Variants in EBF3 observed in about 807,000 individuals in gnomAD.
EBF3 encodes the protein EBF transcription factor 3.
EBF3 carries 18 observed loss-of-function variants against 77.1 expected under a neutral mutation model. That is an observed-to-expected ratio of 0.23 (90% confidence interval 0.16 to 0.35). The LOEUF (loss-of-function observed/expected upper bound fraction) is 0.35. Ranked by LOEUF, EBF3 falls within the 10% of genes least tolerant of loss-of-function variation. The pLI is 1.00. For missense variants in EBF3, 558 were observed against 860.0 expected (o/e 0.65, Z 4.39); for synonymous variants, 350 against 343.5 (o/e 1.02, Z -0.21).
At chr10:129,876,521 C>T (rs989724250) in intron 7 of EBF3, among the ~76,000 whole-genome samples, 2 of 152,216 alleles carry the variant, frequency 1.3e-5, no homozygotes, top group South Asian at 4.1e-4. Flanking sequence ...CCAAAGAGCC[C>T]GCCTCCTCTG....
chr10:129,958,150 G>C (rs1859180166), intron 5 of EBF3, among the ~76,000 whole-genome samples: 3 of 152,194 alleles, frequency 2.0e-5, no homozygotes. Flanking sequence ...GAAAAAGTCA[G>C]CTTTTGTATA....
chr10:129,892,860 C>T (rs1056640102), intron 6 of EBF3, among the ~76,000 whole-genome samples: 8 of 152,222 alleles, frequency 5.3e-5, no homozygotes, highest in African/African-American at 1.9e-4. Context: ...CGCACTTGAA[C>T]GTCGCCATCA....
intron 10 of EBF3, among the ~76,000 whole-genome samples, chr10:129,862,944 C>T (rs1308603965): frequency 1.3e-5 from 2 of 152,182 alleles, no homozygotes; most frequent in Non-Finnish European, 2.9e-5. Flanking sequence ...ATTTTAATTA[C>T]TATTAAACAA....
chr10:129,958,881 G>C (rs1859251702), intron 5 of EBF3, 53 bp downstream of exon 5: 1 of 1,557,540 alleles, frequency 6.4e-7, no homozygotes, highest in East Asian at 2.5e-5. Flanking sequence ...CTTTGTAGAC[G>C]CAGCTGGCGC....
chr10:129,875,106 A>G (rs1852663852), intron 7 of EBF3, among the ~76,000 whole-genome samples: 1 of 151,958 alleles, frequency 6.6e-6, no homozygotes, highest in Non-Finnish European at 1.5e-5. Flanking sequence ...AAACATACAA[A>G]TAAGTAGTAT....
Position 129,906,432 on chromosome 10 carries a change from G to A in EBF3, c.555-28583C>T, listed in dbSNP as rs16909990. On this transcript the variant is annotated intron_variant, in intron 6 of 16. Coordinates refer to ENST00000440978, the MANE Select transcript of EBF3 (RefSeq NM_001375380.1). ...CAGATTCCTCTAACTTTGAATTTCC[G>A]CGCCCTGTACAGGAGCCCTCTTAAC... Among the ~76,000 whole-genome samples, 80 of 152,140 alleles carry A rather than the reference G, an allele frequency of 5.3e-4. No individual in the cohort carries two copies. In the East Asian group the frequency reaches 7.7e-3, roughly 15 times the overall value.
chr10:129,927,074 T>C (rs1856727178), intron 6 of EBF3, among the ~76,000 whole-genome samples: 1 of 152,228 alleles, frequency 6.6e-6, no homozygotes, highest in Non-Finnish European at 1.5e-5. Flanking sequence ...TGTTTTGTTT[T>C]TAGCAAACCT....
intron 6 of EBF3, among the ~76,000 whole-genome samples, chr10:129,951,067 TCA>T (rs1301983897): frequency 1.3e-5 from 2 of 152,220 alleles, no homozygotes; most frequent in African/African-American, 4.8e-5. Flanking sequence ...AATTACAGCA[TCA>T]CAGTGAGCCA....
At chr10:129,862,262 C>T (rs188706769) in intron 10 of EBF3, among the ~76,000 whole-genome samples, 4 of 152,256 alleles carry the variant, frequency 2.6e-5, no homozygotes, top group South Asian at 2.1e-4. Flanking sequence ...GCTGAATGAA[C>T]GTCCTTGTGC....
intron 6 of EBF3, among the ~76,000 whole-genome samples, chr10:129,909,487 G>A (rs1367374701): frequency 2.6e-5 from 4 of 152,206 alleles, no homozygotes; most frequent in Non-Finnish European, 4.4e-5. Flanking sequence ...CAGGGCACAC[G>A]TTTGGTCACC....
At chr10:129,846,528 C>T (rs1482796820) in intron 11 of EBF3, among the ~76,000 whole-genome samples, 2 of 151,666 alleles carry the variant, frequency 1.3e-5, no homozygotes, top group Admixed American at 6.6e-5. Context: ...GTGACACTTA[C>T]GGCTGATTTT....
At chr10:129,913,049 T>A (rs532269391) in intron 6 of EBF3, among the ~76,000 whole-genome samples, 1 of 152,334 alleles carries the variant, frequency 6.6e-6, no homozygotes, top group South Asian at 2.1e-4. Context: ...AAATGTTGAT[T>A]CACAAATTGA....
intron 10 of EBF3, among the ~76,000 whole-genome samples, chr10:129,859,008 C>T (rs1363947499): frequency 1.3e-5 from 2 of 152,336 alleles, no homozygotes; most frequent in African/African-American, 4.8e-5. Context: ...TCGCACGCTC[C>T]GTAATGACCC....
chr10:129,896,947 G>A (rs1242772919), intron 6 of EBF3, among the ~76,000 whole-genome samples: 1 of 152,146 alleles, frequency 6.6e-6, no homozygotes, highest in Non-Finnish European at 1.5e-5. Context: ...TCATAGAGAG[G>A]GAAAGAGCCT....
intron 6 of EBF3, among the ~76,000 whole-genome samples, chr10:129,926,123 T>C (rs1356776151): frequency 1.3e-5 from 2 of 152,250 alleles, no homozygotes; most frequent in South Asian, 2.1e-4. Flanking sequence ...CAGTTCCTTA[T>C]GAAGACACCT....
At chr10:129,888,427 G>A (rs1209979460) in intron 6 of EBF3, among the ~76,000 whole-genome samples, 4 of 152,256 alleles carry the variant, frequency 2.6e-5, no homozygotes, top group Non-Finnish European at 5.9e-5. Context: ...CTTCCAAAAT[G>A]CTCCTGGTGA....
chr10:129,960,341 C>T (rs1223531025), intron 4 of EBF3, among the ~76,000 whole-genome samples: 1 of 152,180 alleles, frequency 6.6e-6, no homozygotes, highest in Non-Finnish European at 1.5e-5. Flanking sequence ...GGGCTGCCCT[C>T]CTGGGAAGAG....
intron 6 of EBF3, among the ~76,000 whole-genome samples, chr10:129,945,241 AG>A (rs1042088863): frequency 5.4e-5 from 8 of 147,528 alleles, no homozygotes; most frequent in East Asian, 2.0e-4. Context: ...AGAGGGAGGG[AG>A]GGGGAGCAAT....
Position 129,861,245 on chromosome 10 carries a change from T to C in EBF3, c.1039+5896A>G, listed in dbSNP as rs776197402. On this transcript the variant is annotated intron_variant, in intron 10 of 16. Transcript: ENST00000440978. This position sits in a 1 kb window ranked among gnomAD's most constrained non-coding sequence, Gnocchi z 4.3. ...TCTGCCTAAGGGGCCCTGAGGACCC[T>C]TGAAATGACCCCAGTGATGGCAGTG... is the stretch of plus-strand genomic sequence containing the variant. 1.3e-5 allele frequency among the ~76,000 whole-genome samples: 2 copies of C among 152,090 alleles called. No individual in the cohort carries two copies. The highest frequency in any genetic ancestry group is 4.8e-5 in the African/African-American group (2 of 41,418).
Sources: allele counts gnomAD v4.1 joint callset (sites outside exome capture counted in the v4.1 genomes callset), GRCh38; gene constraint gnomAD v4.1.1; non-coding constraint Gnocchi (gnomAD v3.1); transcripts MANE v1.5; gene names NCBI Gene and HGNC (gene_info 2026-07-23, HGNC 2026-07-21).